Variants in CCSER1 observed in about 807,000 individuals in gnomAD.
The protein encoded by CCSER1 is coiled-coil serine rich protein 1.
CCSER1 carries 41 observed loss-of-function variants against 82.0 expected under a neutral mutation model. The observed-to-expected ratio is 0.50, with a 90% CI of 0.39 to 0.65. The LOEUF (loss-of-function observed/expected upper bound fraction) is 0.65, where lower values mean the gene tolerates loss of function less well. Ranked by LOEUF, CCSER1 falls within the 30% of genes least tolerant of loss-of-function variation. The pLI is 0.00. For missense variants in CCSER1, 1,119 were observed against 1,064.2 expected, an observed-to-expected ratio of 1.05 and a Z score of -0.72; for synonymous variants, 414 against 383.9, an observed-to-expected ratio of 1.08 and a Z score of -0.92.
chr4:91,110,811 G>A (rs191407752), intron 10 of CCSER1, among the ~76,000 whole-genome samples: 253 of 151,816 alleles, frequency 1.7e-3, no homozygotes, highest in South Asian at 3.3e-3. Context: ...AAATGATACT[G>A]GTTTCTTTCT....
intron 6 of CCSER1, among the ~76,000 whole-genome samples, chr4:90,665,449 G>A (rs1731580308): frequency 6.6e-6 from 1 of 151,900 alleles, no homozygotes; most frequent in African/African-American, 2.4e-5. Context: ...AGCCTCCTGA[G>A]TAGCTGGGAC....
At chr4:91,228,193 T>C (rs932931162) in intron 10 of CCSER1, among the ~76,000 whole-genome samples, 8 of 152,122 alleles carry the variant, frequency 5.3e-5, no homozygotes, top group African/African-American at 1.9e-4. Flanking sequence ...TGAGTAAACA[T>C]ATGTATCCTG....
chr4:91,145,982 A>G (rs1243769346), intron 10 of CCSER1, among the ~76,000 whole-genome samples: 1 of 152,072 alleles, frequency 6.6e-6, no homozygotes, highest in Non-Finnish European at 1.5e-5. Context: ...AATTTCTTGA[A>G]TTTGCATGCT....
chr4:90,731,452 G>A (rs1359180408), intron 7 of CCSER1, among the ~76,000 whole-genome samples: 3 of 152,096 alleles, frequency 2.0e-5, no homozygotes, highest in Non-Finnish European at 2.9e-5. Context: ...ATAACTGAAA[G>A]CACATAGGTA....
chr4:90,440,008 T>G (rs750389219), intron 4 of CCSER1, among the ~76,000 whole-genome samples: 105 of 148,588 alleles, frequency 7.1e-4, no homozygotes, highest in Non-Finnish European at 9.9e-4. Flanking sequence ...TGTTATTTTA[T>G]TTTTTTTTTT....
chr4:91,040,584 C>G (rs542216320), intron 9 of CCSER1, among the ~76,000 whole-genome samples: 1 of 152,266 alleles, frequency 6.6e-6, no homozygotes, highest in South Asian at 2.1e-4. Flanking sequence ...ATGTTTGAGA[C>G]ATTTGCACAA....
chr4:90,303,382 A>G (rs551837046), intron 1 of CCSER1, among the ~76,000 whole-genome samples: 4,691 of 151,992 alleles, frequency 0.031, 184 homozygotes, highest in African/African-American at 0.094. Context: ...GAGGCATCAC[A>G]CTACCTGACT....
intron 10 of CCSER1, among the ~76,000 whole-genome samples, chr4:91,260,520 G>A (rs1282466422): frequency 6.6e-6 from 1 of 152,166 alleles, no homozygotes; most frequent in African/African-American, 2.4e-5. Flanking sequence ...TTAGCTGGCA[G>A]ACACAGAATT....
chr4:90,386,013 C>G (rs1208976837), intron 3 of CCSER1, among the ~76,000 whole-genome samples: 1 of 152,060 alleles, frequency 6.6e-6, no homozygotes, highest in Admixed American at 6.5e-5. Context: ...GTAGATAACA[C>G]AAACAAGTGG....
chr4:90,819,077 G>T (rs1759403183), intron 8 of CCSER1, among the ~76,000 whole-genome samples: 2 of 152,172 alleles, frequency 1.3e-5, no homozygotes, highest in South Asian at 4.1e-4. Flanking sequence ...TGGGATTGTG[G>T]TGAGGGCTGT....
At chr4:91,266,002 GC>G (rs374218562) in intron 10 of CCSER1, among the ~76,000 whole-genome samples, 19 of 152,086 alleles carry the variant, frequency 1.2e-4, no homozygotes, top group African/African-American at 4.1e-4. Context: ...GAAAGTAGAA[GC>G]CCCTTGTAAA....
chr4:90,738,512 T>C (rs979276940), intron 7 of CCSER1, among the ~76,000 whole-genome samples: 3 of 152,096 alleles, frequency 2.0e-5, no homozygotes, highest in African/African-American at 7.2e-5. Context: ...TGGGGAAGTG[T>C]GATACAAGCA....
At chr4:90,682,597 C>T (rs1320550800) in intron 6 of CCSER1, among the ~76,000 whole-genome samples, 5 of 151,924 alleles carry the variant, frequency 3.3e-5, no homozygotes, top group African/African-American at 1.2e-4. Flanking sequence ...GGCTCTGTTC[C>T]GTAAAGTCAT....
chr4:91,104,152 G>C (rs1725367786), intron 10 of CCSER1, among the ~76,000 whole-genome samples: 1 of 152,094 alleles, frequency 6.6e-6, no homozygotes, highest in South Asian at 2.1e-4. Flanking sequence ...CTTGAACCCT[G>C]TTTTCTGTTG....
chr4:91,484,687 A>T (rs1304238354), intron 10 of CCSER1, among the ~76,000 whole-genome samples: 1 of 152,134 alleles, frequency 6.6e-6, no homozygotes, highest in Non-Finnish European at 1.5e-5. Context: ...TTGTCAATGA[A>T]TTCTTCAGTG....
At chr4:90,439,497 C>G (rs1030794466) in intron 4 of CCSER1, among the ~76,000 whole-genome samples, 3 of 152,052 alleles carry the variant, frequency 2.0e-5, no homozygotes, top group Non-Finnish European at 4.4e-5. Flanking sequence ...ATATCCCTAC[C>G]CTAATCTTTG....
At chr4:90,408,684 A>C (rs1754153349) in intron 4 of CCSER1, among the ~76,000 whole-genome samples, 1 of 152,218 alleles carries the variant, frequency 6.6e-6, no homozygotes, top group South Asian at 2.1e-4. Context: ...AGATAGGGGA[A>C]AAATAGAACA....
intron 7 of CCSER1, among the ~76,000 whole-genome samples, chr4:90,785,025 G>A (rs976786482): frequency 4.1e-5 from 5 of 122,966 alleles, no homozygotes; most frequent in African/African-American, 1.5e-4. Context: ...AGAGGCAGAA[G>A]AATATTCACT....
rs368682082 is a variant in CCSER1, at chr4:90,933,065, A to C, written c.2172+9618A>C. ...GAAAGAGAAGGAAGGAACGAAGGAA[A>C]GAAGAAAAGAAAGAAAGAAAAGAAA... is the stretch of plus-strand genomic sequence containing the variant. On this transcript the variant is annotated intron_variant, in intron 9 of 10. Coordinates refer to ENST00000509176, the MANE Select transcript of CCSER1 (RefSeq NM_001145065.2). Among the ~76,000 whole-genome samples, 5 of 113,946 alleles carry C rather than the reference A, an allele frequency of 4.4e-5. 1 individual carries two copies. The highest frequency in any genetic ancestry group is 1.3e-4 in the African/African-American group (3 of 23,630). 74.8% of individuals were successfully genotyped at this position (113,946 alleles called of 152,430 possible).
Sources: gnomAD v4.1 joint callset for allele counts (sites outside exome capture counted in the v4.1 genomes callset) on GRCh38, gnomAD v4.1.1 for gene constraint, MANE v1.5 for transcripts, NCBI Gene and HGNC (gene_info 2026-07-23, HGNC 2026-07-21) for gene names.